The following MMP16 variants were observed in gnomAD, a reference collection of about 807,000 sequenced individuals.
MMP16 encodes matrix metallopeptidase 16.
In MMP16, 12 loss-of-function variants were observed where a neutral mutation model predicts 67.8. That is an observed-to-expected ratio of 0.18 (90% CI 0.11 to 0.29). The LOEUF (loss-of-function observed/expected upper bound fraction) is 0.29. Ranked by LOEUF, MMP16 falls within the 10% of genes least tolerant of loss-of-function variation. The pLI, the probability that MMP16 is intolerant of heterozygous loss-of-function variation, is 1.00. For missense variants in MMP16, 475 were observed against 765.7 expected, an observed-to-expected ratio of 0.62 and a Z score of 4.48; for synonymous variants, 249 against 255.9, an observed-to-expected ratio of 0.97 and a Z score of 0.26.
chr8:88,305,976 T>C (rs918697835), intron 1 of MMP16, among the ~76,000 whole-genome samples: 5 of 148,348 alleles, frequency 3.4e-5, no homozygotes, highest in African/African-American at 1.2e-4. Flanking sequence ...AAAAGCCCCT[T>C]GAAAAATCAA....
rs572794912 is a variant in MMP16 at position 88,180,148 on chromosome 8, G to A, written c.404+6328C>T. 4.3e-4 allele frequency among the ~76,000 whole-genome samples: 65 copies of A among 152,186 alleles called. 1 individual carries two copies. Among genetic ancestry groups the A allele is most frequent in the South Asian group, 8.3e-4 (4 of 4,814 alleles). On this transcript the variant is annotated intron_variant, in intron 3 of 9. Transcript: ENST00000286614. ...AATACAAAATTAGCCTGGCATGGTG[G>A]CACACGCCTGTAATCCCAGCTACTC...
At chr8:88,302,429 C>A (rs1811118013) in intron 1 of MMP16, among the ~76,000 whole-genome samples, 1 of 152,140 alleles carries the variant, frequency 6.6e-6, no homozygotes, top group African/African-American at 2.4e-5. Flanking sequence ...TAATTTGCGT[C>A]CCTTGTTATA....
chr8:88,208,818 C>CAAAAAA, intron 1 of MMP16, among the ~76,000 whole-genome samples: 2 of 130,664 alleles, frequency 1.5e-5, no homozygotes, highest in South Asian at 2.5e-4. Context: ...GTAGATATGG[C>CAAAAAA]AAAAAAAAAA....
chr8:88,085,614 G>A (rs1359462066), intron 6 of MMP16, among the ~76,000 whole-genome samples: 1 of 151,980 alleles, frequency 6.6e-6, no homozygotes, highest in Non-Finnish European at 1.5e-5. Context: ...ATATTAACAA[G>A]TGATTCTTCT....
At chr8:88,307,603 T>G (rs557477242) in intron 1 of MMP16, among the ~76,000 whole-genome samples, 14 of 152,178 alleles carry the variant, frequency 9.2e-5, no homozygotes, top group African/African-American at 2.9e-4. Flanking sequence ...AATTCTTTTT[T>G]AGGTTAATAA....
At position 88,041,416 on chromosome 8, in the gene MMP16, T is replaced by A. The variant is rs755946407; in HGVS notation, c.*45A>T. ...ACAGCTCTTGTCTTGAATCTCAAGT[T>A]ACCACAAACTCCTGCAAAAGAAAGA... On this transcript the variant is annotated 3_prime_UTR_variant, in exon 10 of 10. Transcript: ENST00000286614. This position sits in a 1 kb window ranked among gnomAD's most constrained non-coding sequence, Gnocchi z 6.0. The A allele has an allele frequency of 1.0e-4, 159 of 1,559,748 alleles. No homozygotes were observed. The highest frequency in any genetic ancestry group is 1.3e-4 in the Non-Finnish European group (153 of 1,146,224).
At chr8:88,289,730 A>ACACC (rs1810892328) in intron 1 of MMP16, among the ~76,000 whole-genome samples, 2 of 112,774 alleles carry the variant, frequency 1.8e-5, no homozygotes, top group African/African-American at 6.6e-5. Context: ...ACACACACAC[A>ACACC]CCCCACTCAT....
Position 88,298,206 on chromosome 8 carries a change from C to T in MMP16, c.132+28869G>A, listed in dbSNP as rs569526402. ...AAATGGGGCAGGAACACTTTGAGTA[C>T]GTTCAGTTAAAACTAATAACAACCA... On this transcript the variant is annotated intron_variant, in intron 1 of 9. Coordinates refer to ENST00000286614, the MANE Select transcript of MMP16 (RefSeq NM_005941.5). Among the ~76,000 whole-genome samples the T allele has an allele frequency of 2.6e-4, 39 of 152,240 alleles. No homozygotes were observed. In the South Asian group the frequency reaches 5.8e-3, roughly 23 times the overall value.
rs980377545 is a variant in MMP16 at position 88,037,304 on chromosome 8, C to A, written c.*4157G>T. ...AATAGGTACACAGTATATGAAATGG[C>A]CAAATTATGTGTTAACAAAAAAAGA... On this transcript the variant is annotated 3_prime_UTR_variant, in exon 10 of 10. Coordinates refer to ENST00000286614, the MANE Select transcript of MMP16 (RefSeq NM_005941.5). 1 of 150,696 alleles carries A rather than the reference C, an allele frequency of 6.6e-6. No homozygotes were observed. The allele number at this position is 150,696 out of a possible 1,614,324, so 9.3% of individuals were successfully genotyped here. A position where few individuals can be genotyped will look rare whatever the true frequency, so the allele number is the denominator to read the frequency against.
At chr8:88,293,210 T>G (rs1810954008) in intron 1 of MMP16, among the ~76,000 whole-genome samples, 1 of 152,246 alleles carries the variant, frequency 6.6e-6, no homozygotes, top group Non-Finnish European at 1.5e-5. Flanking sequence ...TATAATTTTC[T>G]AAGTTATAGA....
intron 1 of MMP16, among the ~76,000 whole-genome samples, chr8:88,202,023 G>A (rs1246235728): frequency 6.6e-6 from 1 of 152,070 alleles, no homozygotes; most frequent in East Asian, 1.9e-4. Context: ...AGATTCATAG[G>A]ATAAGTTCAC....
intron 1 of MMP16, among the ~76,000 whole-genome samples, chr8:88,206,972 T>C (rs1405559096): frequency 6.6e-6 from 1 of 152,186 alleles, no homozygotes; most frequent in Non-Finnish European, 1.5e-5. Flanking sequence ...TTTATATGTA[T>C]ATTTTTTCAT....
intron 4 of MMP16, among the ~76,000 whole-genome samples, chr8:88,133,206 T>C (rs1306111443): frequency 6.8e-6 from 1 of 147,754 alleles, no homozygotes; most frequent in East Asian, 2.0e-4. Flanking sequence ...TATCTTGCCA[T>C]TACCTTTATT....
At chr8:88,205,659 C>T (rs1188260933) in intron 1 of MMP16, among the ~76,000 whole-genome samples, 2 of 152,082 alleles carry the variant, frequency 1.3e-5, no homozygotes, top group East Asian at 1.9e-4. Context: ...CCAGAGACAC[C>T]CTTTCTTCTC....
chr8:88,147,784 T>TGG (rs1312920202), intron 4 of MMP16, among the ~76,000 whole-genome samples: 4 of 151,862 alleles, frequency 2.6e-5, no homozygotes, highest in Non-Finnish European at 4.4e-5. Context: ...TGTTTGTGTG[T>TGG]GTGTGTGTGT....
intron 4 of MMP16, among the ~76,000 whole-genome samples, chr8:88,155,245 C>G (rs1030808363): frequency 7.9e-5 from 12 of 151,926 alleles, no homozygotes; most frequent in Non-Finnish European, 1.3e-4. Context: ...ACTACAGATA[C>G]AATTTAATAA....
intron 3 of MMP16, among the ~76,000 whole-genome samples, chr8:88,185,710 A>C: frequency 6.6e-6 from 1 of 152,074 alleles, no homozygotes; most frequent in East Asian, 1.9e-4. Flanking sequence ...TATGGGTCTT[A>C]GTTGAAAAGC....
At chr8:88,159,702 C>G (rs1267000199) in intron 4 of MMP16, among the ~76,000 whole-genome samples, 1 of 152,090 alleles carries the variant, frequency 6.6e-6, no homozygotes, top group Non-Finnish European at 1.5e-5. Flanking sequence ...GCATCCCTGT[C>G]TTGTGCCAGT....
chr8:88,120,564 G>C (rs1807808224), intron 4 of MMP16, among the ~76,000 whole-genome samples: 1 of 151,798 alleles, frequency 6.6e-6, no homozygotes, highest in African/African-American at 2.4e-5. Context: ...TAAGTGAAAG[G>C]ATATTTTCAC....
Sources: gnomAD v4.1 joint callset for allele counts (sites outside exome capture counted in the v4.1 genomes callset) on GRCh38, gnomAD v4.1.1 for gene constraint, Gnocchi (gnomAD v3.1) non-coding constraint, MANE v1.5 for transcripts, NCBI Gene and HGNC (gene_info 2026-07-23, HGNC 2026-07-21) for gene names.